The following SLC44A1 variants were observed in gnomAD, a reference collection of about 807,000 sequenced individuals.
The protein encoded by SLC44A1 is solute carrier family 44 member 1, also known as choline transporter-like protein 1.
SLC44A1 carries 26 observed loss-of-function variants against 79.3 expected under a neutral mutation model. The ratio of observed to expected loss-of-function variants is 0.33; its 90% CI spans 0.24 to 0.46. The LOEUF (loss-of-function observed/expected upper bound fraction) is 0.46. Among genes scored for constraint, SLC44A1 ranks in the 20% least tolerant of loss-of-function variants. The probability of loss-of-function intolerance (pLI) is 1.00; values close to 1 mark genes in which losing one functional copy is unlikely to be tolerated. For missense variants in SLC44A1, 688 were observed against 798.1 expected, an observed-to-expected ratio of 0.86 and a Z score of 1.66; for synonymous variants, 263 against 286.2, an observed-to-expected ratio of 0.92 and a Z score of 0.82.
intron 3 of SLC44A1, among the ~76,000 whole-genome samples, chr9:105,316,474 G>A (rs1003960846): frequency 2.0e-5 from 3 of 152,154 alleles, no homozygotes; most frequent in African/African-American, 7.2e-5. Flanking sequence ...AGAATGACAT[G>A]AAAATGTCAA....
chr9:105,332,118 CTTT>C (rs34173274), intron 3 of SLC44A1, among the ~76,000 whole-genome samples: 3 of 128,230 alleles, frequency 2.3e-5, no homozygotes, highest in Non-Finnish European at 3.3e-5. Context: ...TTCTTTGTTT[CTTT>C]TTTTTTTTTT....
chr9:105,428,960 T>C (rs930697963), intron 15 of SLC44A1, among the ~76,000 whole-genome samples: 33 of 152,216 alleles, frequency 2.2e-4, no homozygotes, highest in Non-Finnish European at 7.3e-5. Flanking sequence ...TGCCTTAGCC[T>C]CCCAGAGTGC....
In SLC44A1 at chr9:105,421,651, G is replaced by C. The variant is rs560692200; in HGVS notation, c.1951-16630G>C. ...CCAGGTAGGCAGAGTGCAGTGGCGC[G>C]ATCTCGGCTCACTGCAAGCTCCGCT... On this transcript the variant is annotated intron_variant, in intron 15 of 15. Transcript: ENST00000374724. Among the ~76,000 whole-genome samples the C allele has an allele frequency of 6.0e-5, 9 of 149,610 alleles. No individual in the cohort carries two copies. In the South Asian group the frequency reaches 1.7e-3, roughly 28 times the overall value.
chr9:105,405,411 C>T (rs1246417470), intron 15 of SLC44A1, among the ~76,000 whole-genome samples: 1 of 141,596 alleles, frequency 7.1e-6, no homozygotes, highest in Non-Finnish European at 1.6e-5. Context: ...AAACGATGAT[C>T]AAATTGACAA....
intron 2 of SLC44A1, among the ~76,000 whole-genome samples, chr9:105,304,907 A>C (rs1265606116): frequency 7.1e-6 from 1 of 140,600 alleles, no homozygotes; most frequent in Non-Finnish European, 1.5e-5. Context: ...ATGCTCAATA[A>C]ATGCTTATTG....
At chr9:105,316,531 A>G (rs1183389664) in intron 3 of SLC44A1, among the ~76,000 whole-genome samples, 1 of 152,236 alleles carries the variant, frequency 6.6e-6, no homozygotes, top group Non-Finnish European at 1.5e-5. Flanking sequence ...TTTTATACTT[A>G]TCTCTTTTTT....
intron 4 of SLC44A1, among the ~76,000 whole-genome samples, chr9:105,344,754 G>C (rs1401569566): frequency 6.6e-6 from 1 of 152,086 alleles, no homozygotes; most frequent in East Asian, 1.9e-4. Flanking sequence ...AGTTCTCAAA[G>C]AGTTTGCATT....
chr9:105,432,281 T>C (rs1450177709), intron 15 of SLC44A1, among the ~76,000 whole-genome samples: 1 of 152,164 alleles, frequency 6.6e-6, no homozygotes, highest in Non-Finnish European at 1.5e-5. Context: ...TTTTGAAAAG[T>C]TGATTTATAG....
At chr9:105,300,969 C>T (rs979124225) in intron 2 of SLC44A1, among the ~76,000 whole-genome samples, 2 of 151,944 alleles carry the variant, frequency 1.3e-5, no homozygotes, top group African/African-American at 4.8e-5. Flanking sequence ...GGGGTTTCAC[C>T]GTGTTGGCCA....
intron 1 of SLC44A1, among the ~76,000 whole-genome samples, chr9:105,250,538 G>C (rs542893931): frequency 1.3e-5 from 2 of 152,276 alleles, no homozygotes; most frequent in African/African-American, 4.8e-5. Context: ...TTTTGCCTCA[G>C]ATTTTTGGGA....
At chr9:105,356,422 A>C (rs928436841) in intron 6 of SLC44A1, 41 bp downstream of exon 6, 26 of 1,383,866 alleles carry the variant, frequency 1.9e-5, no homozygotes, top group Non-Finnish European at 2.6e-5. Context: ...ATAGTATTGC[A>C]GAAGAAGACT....
rs12551644 is a variant in SLC44A1, at chr9:105,307,382, G to A, written c.127-2342G>A. Among the ~76,000 whole-genome samples, 1,464 of 152,184 alleles carry A rather than the reference G, an allele frequency of 9.6e-3. 14 individuals are homozygous for A. Among genetic ancestry groups the A allele is most frequent in the Middle Eastern group, 0.058 (17 of 294 alleles). On this transcript the variant is annotated intron_variant, in intron 2 of 15. Coordinates refer to ENST00000374720, the MANE Select transcript of SLC44A1 (RefSeq NM_080546.5). ...TTGGAGGCCACACGCGGTGGCTCAC[G>A]CATGTAATCCCAGCACTTTGGGAGG...
At chr9:105,404,357 G>A (rs12340765) in intron 15 of SLC44A1, among the ~76,000 whole-genome samples, 23,894 of 152,026 alleles carry the variant, frequency 0.16, 2,969 homozygotes, top group African/African-American at 0.35. Flanking sequence ...AAAGACAGGA[G>A]TGAAGCGTGA....
chr9:105,278,453 T>C (rs950921512), intron 1 of SLC44A1, among the ~76,000 whole-genome samples: 1 of 152,186 alleles, frequency 6.6e-6, no homozygotes, highest in Admixed American at 6.5e-5. Context: ...TTTCATCATG[T>C]TGACCAGGAG....
chr9:105,390,474 T>C lies in SLC44A1; in HGVS notation c.*1418T>C. On this transcript the variant is annotated 3_prime_UTR_variant, in exon 16 of 16. Coordinates refer to ENST00000374720, the MANE Select transcript of SLC44A1 (RefSeq NM_080546.5). ...AAAGCCTCAGCATTTTATCATTCCA[T>C]GGAAGGAGAATCTTTTGAAAGAAAG... 1 of 906,746 alleles carries C rather than the reference T, an allele frequency of 1.1e-6. No individual in the cohort carries two copies. Among genetic ancestry groups the C allele is most frequent in the Non-Finnish European group, 1.3e-6 (1 of 768,158 alleles). The allele number at this position is 906,746 out of a possible 1,614,324, so 56.2% of individuals were successfully genotyped here.
In SLC44A1 at chr9:105,392,477, T is replaced by C; in HGVS notation, c.*3421T>C. On this transcript the variant is annotated 3_prime_UTR_variant, in exon 16 of 16. Coordinates refer to ENST00000374720, the MANE Select transcript of SLC44A1 (RefSeq NM_080546.5). ...GATTGTAAGTTATTTCCAATACCAC[T>C]GATCTTGGTATCTGCCAAGGGCTTC... The C allele has an allele frequency of 3.1e-6, 3 of 982,176 alleles. No individual in the cohort carries two copies. The highest frequency in any genetic ancestry group is 3.6e-6 in the Non-Finnish European group (3 of 829,064). The allele number at this position is 982,176 out of a possible 1,614,324, so 60.8% of individuals were successfully genotyped here. A position where few individuals can be genotyped will look rare whatever the true frequency, so the allele number is the denominator to read the frequency against.
At position 105,383,301 on chromosome 9, in the gene SLC44A1, A is replaced by T; in HGVS notation, c.1811A>T (p.Asp604Val). The change falls in exon 14 of 16, where the codon GAT becomes GTT. Residue 604 changes from aspartate to valine, a missense_variant. By Grantham distance (152) the Asp-to-Val change is radical (BLOSUM62 -3). Coordinates refer to ENST00000374720, the MANE Select transcript of SLC44A1 (RefSeq NM_080546.5). ...GTATTATTCTTGTGTTTTGCCATTGATACAAAATACAATGATGGGAGCCCT... is the reference window on the plus strand; with the variant it reads ...GTATTATTCTTGTGTTTTGCCATTGTTACAAAATACAATGATGGGAGCCCT... Reference protein sequence around the residue: ...VDVLFLCFAIDTKYNDGSPGR... With the variant: ...VDVLFLCFAIVTKYNDGSPGR... 1 of 1,613,734 alleles carries T rather than the reference A, an allele frequency of 6.2e-7. No homozygotes were observed. The highest frequency in any genetic ancestry group is 8.5e-7 in the Non-Finnish European group (1 of 1,179,582).
chr9:105,369,278 C>G (rs906330129), intron 12 of SLC44A1, among the ~76,000 whole-genome samples: 1 of 152,132 alleles, frequency 6.6e-6, no homozygotes, highest in Non-Finnish European at 1.5e-5. Context: ...TCCAATAGTT[C>G]TAGAGGCTGG....
In SLC44A1 at chr9:105,328,639, T is replaced by C. The variant is rs190166615; in HGVS notation, c.270-6924T>C. Among the ~76,000 whole-genome samples the C allele has an allele frequency of 1.5e-4, 23 of 152,300 alleles. 1 individual carries two copies. Among genetic ancestry groups the C allele is most frequent in the Non-Finnish European group, 2.6e-4 (18 of 68,026 alleles). On this transcript the variant is annotated intron_variant, in intron 3 of 15. Transcript: ENST00000374720. ...AAGTTATTTTCAGCTCTCAGTGCTG[T>C]GAATTACCAGAAAGGGCCATGAAAG...
Sources: gnomAD v4.1 joint callset for allele counts (sites outside exome capture counted in the v4.1 genomes callset) on GRCh38, gnomAD v4.1.1 for gene constraint, MANE v1.5 for transcripts, NCBI Gene and HGNC (gene_info 2026-07-23, HGNC 2026-07-21) for gene names.